ABR: variants seen among roughly 807,000 people sequenced by gnomAD.
The protein encoded by ABR is ABR activator of RhoGEF and GTPase.
Under a neutral mutation model 107.2 loss-of-function variants are expected in ABR, and 35 were observed. The observed-to-expected ratio is 0.33, with a 90% confidence interval of 0.25 to 0.43. ABR has a LOEUF of 0.43. Ranked by LOEUF, ABR falls within the 20% of genes least tolerant of loss-of-function variation. The probability of loss-of-function intolerance (pLI) is 1.00; values close to 1 mark genes in which losing one functional copy is unlikely to be tolerated. For missense variants in ABR, 815 were observed against 1,115.2 expected (o/e 0.73, Z 3.83); for synonymous variants, 498 against 462.0 (o/e 1.08, Z -1.00).
At chr17:1,023,906 A>T (rs373496720) in intron 16 of ABR, among the ~76,000 whole-genome samples, 2 of 151,586 alleles carry the variant, frequency 1.3e-5, no homozygotes, top group African/African-American at 4.8e-5. Flanking sequence ...ATGCCTGTAA[A>T]CCCAGCTACT....
chr17:1,081,835 C>T (rs2036256854), intron 5 of ABR, among the ~76,000 whole-genome samples: 2 of 152,170 alleles, frequency 1.3e-5, no homozygotes, highest in African/African-American at 2.4e-5. Flanking sequence ...CCTCGGCCTC[C>T]CAAAGTGCTG....
chr17:1,076,963 GTC>G (rs1453926549), intron 6 of ABR, among the ~76,000 whole-genome samples: 1 of 152,208 alleles, frequency 6.6e-6, no homozygotes, highest in Non-Finnish European at 1.5e-5. Context: ...CAGCAAGCTG[GTC>G]TCTCTCTAGT....
At chr17:1,199,597 C>T (rs540654777) in intron 1 of ABR, among the ~76,000 whole-genome samples, 20 of 148,856 alleles carry the variant, frequency 1.3e-4, no homozygotes, top group Middle Eastern at 3.4e-3. Context: ...TACAGACGCC[C>T]GCCACCACGC....
chr17:1,200,717 G>A lies in ABR; in HGVS notation c.838+28076C>T, dbSNP rs2042655729. Among the ~76,000 whole-genome samples the A allele has an allele frequency of 6.6e-6, 1 of 152,190 alleles. No individual in the cohort carries two copies. The highest frequency in any genetic ancestry group is 2.1e-4 in the South Asian group (1 of 4,830). ...GATGGATCCCCAGGTGGAAACCCGG[G>A]CACGTCATCCCGGTTTGTTCATGGT... On this transcript the variant is annotated intron_variant, in intron 1 of 22. Coordinates refer to the ABR transcript ENST00000574139. The surrounding 1 kb of genome is among the most constrained non-coding windows in gnomAD (Gnocchi z 4.1).
In ABR at chr17:1,051,158, G is replaced by A. The variant is rs1475472174; in HGVS notation, c.1562-524C>T. On this transcript the variant is annotated intron_variant, in intron 14 of 22. Transcript: ENST00000302538. The surrounding 1 kb of genome is among the most constrained non-coding windows in gnomAD (Gnocchi z 4.3). ...TGCTCGGAGCATCCCCTGCCGCGGT[G>A]ACGACCAACAACGCCCACATCCCCA... 6.6e-6 allele frequency among the ~76,000 whole-genome samples: 1 copy of A among 152,154 alleles called. No homozygotes were observed. The highest frequency in any genetic ancestry group is 6.5e-5 in the Admixed American group (1 of 15,274).
intron 3 of ABR, among the ~76,000 whole-genome samples, chr17:1,099,142 C>G (rs1440240234): frequency 6.6e-6 from 1 of 151,526 alleles, no homozygotes; most frequent in Non-Finnish European, 1.5e-5. Flanking sequence ...GTGGCGCACT[C>G]TCAGCTCACT....
chr17:1,072,801 G>C, intron 7 of ABR, 47 bp from the exon 8 acceptor site: 1 of 1,590,262 alleles, frequency 6.3e-7, no homozygotes, highest in Non-Finnish European at 8.5e-7. Flanking sequence ...TCTGGGGCCT[G>C]ATGTGTGGCC....
In ABR at chr17:1,154,957, C is replaced by T. The variant is rs190778402; in HGVS notation, c.61+24710G>A. 6.6e-6 allele frequency: 1 copy of T among 152,122 alleles called. No individual in the cohort carries two copies. Among genetic ancestry groups the T allele is most frequent in the African/African-American group, 2.4e-5 (1 of 41,418 alleles). 9.4% of individuals were successfully genotyped at this position (152,122 alleles called of 1,614,324 possible). On this transcript the variant is annotated intron_variant, in intron 1 of 22. Coordinates refer to ENST00000302538, the MANE Select transcript of ABR (RefSeq NM_021962.5). This position sits in a 1 kb window ranked among gnomAD's most constrained non-coding sequence, Gnocchi z 4.0. ...AACAGGGCCTGCTCTGGGACCGTGCCTCCTGCCAGGACGCTGTGCCAGGAG... is the reference window on the plus strand; with the variant it reads ...AACAGGGCCTGCTCTGGGACCGTGCTTCCTGCCAGGACGCTGTGCCAGGAG...
In ABR at chr17:1,179,403, C is replaced by T. The variant is rs1257948873; in HGVS notation, c.61+264G>A. ...GGCTCGGTCCGCCCACGGTCCCCGC[C>T]CCCGGACCGCAGGAATCCTCTCTGG... On this transcript the variant is annotated intron_variant, in intron 1 of 22. Transcript: ENST00000302538. This position sits in a 1 kb window ranked among gnomAD's most constrained non-coding sequence, Gnocchi z 4.9. Among the ~76,000 whole-genome samples, 1 of 152,098 alleles carries T rather than the reference C, an allele frequency of 6.6e-6. No homozygotes were observed. The highest frequency in any genetic ancestry group is 1.9e-4 in the East Asian group (1 of 5,162).
intron 1 of ABR, among the ~76,000 whole-genome samples, chr17:1,141,851 C>T (rs2040300374): frequency 6.6e-6 from 1 of 151,980 alleles, no homozygotes; most frequent in African/African-American, 2.4e-5. Context: ...CTCCACCTCC[C>T]CGGTTCAAGC....
intron 1 of ABR, among the ~76,000 whole-genome samples, chr17:1,140,803 G>T (rs921230372): frequency 1.3e-5 from 2 of 151,986 alleles, no homozygotes; most frequent in Non-Finnish European, 2.9e-5. Context: ...GGCTGGTCTC[G>T]AACTCCTGAC....
intron 1 of ABR, among the ~76,000 whole-genome samples, chr17:1,221,793 G>A (rs931296863): frequency 5.3e-5 from 8 of 152,202 alleles, no homozygotes; most frequent in Admixed American, 3.9e-4. Flanking sequence ...CTTTGCAGAC[G>A]CCAAGAGAGA....
At chr17:1,224,702 A>T (rs1203533654) in intron 1 of ABR, among the ~76,000 whole-genome samples, 1 of 151,964 alleles carries the variant, frequency 6.6e-6, no homozygotes, top group Non-Finnish European at 1.5e-5. Flanking sequence ...AGAGACAGGG[A>T]CTCGCTCTGT....
chr17:1,181,066 A>C (rs896694500), upstream of ABR, among the ~76,000 whole-genome samples: 1 of 152,188 alleles, frequency 6.6e-6, no homozygotes, highest in Non-Finnish European at 1.5e-5. Context: ...AGGCAGCTTA[A>C]GGGGAAAACT....
rs2589476 is a variant in ABR at position 1,078,800 on chromosome 17, A to G, written c.700+530T>C. 119,223 of 1,534,680 alleles carry G rather than the reference A, an allele frequency of 0.078. 8,617 individuals are homozygous for G. Among genetic ancestry groups the G allele is most frequent in the East Asian group, 0.32 (13,264 of 40,816 alleles). On this transcript the variant is annotated intron_variant, in intron 6 of 22. Coordinates refer to ENST00000302538, the MANE Select transcript of ABR (RefSeq NM_021962.5). The surrounding 1 kb of genome is among the most constrained non-coding windows in gnomAD (Gnocchi z 7.5). ...GGAGGGTCCGCCACCTCCCACAGCG[A>G]GCACCTGGGTTACCATAGGTGCAGT...
At chr17:1,104,556 G>A (rs146579257) in intron 2 of ABR, among the ~76,000 whole-genome samples, 39 of 152,302 alleles carry the variant, frequency 2.6e-4, no homozygotes, top group African/African-American at 9.1e-4. Context: ...TACCCAGCAG[G>A]ATCTGCTCAG....
intron 16 of ABR, among the ~76,000 whole-genome samples, chr17:1,029,890 G>A (rs1420988265): frequency 4.0e-5 from 6 of 151,176 alleles, no homozygotes; most frequent in African/African-American, 1.2e-4. Context: ...TCCACGACAC[G>A]GACACACTGT....
chr17:1,079,234 C>T lies in ABR; in HGVS notation c.700+96G>A, dbSNP rs892337915. On this transcript the variant is annotated intron_variant, in intron 6 of 22. Transcript: ENST00000302538. Reference sequence around the variant, plus strand: ...ACGCTCACACGCGCTCACACACACGCACACACAAGGGGAAGGGCGCCGCGT... The same window carrying T: ...ACGCTCACACGCGCTCACACACACGTACACACAAGGGGAAGGGCGCCGCGT... The T allele has an allele frequency of 1.1e-5, 17 of 1,532,224 alleles. No homozygotes were observed. The African/African-American group carries it at 1.8e-4, about 16-fold the overall frequency. 94.9% of individuals were successfully genotyped at this position (1,532,224 alleles called of 1,614,324 possible).
chr17:1,095,805 G>A (rs1424131150), intron 3 of ABR, among the ~76,000 whole-genome samples: 1 of 152,218 alleles, frequency 6.6e-6, no homozygotes, highest in African/African-American at 2.4e-5. Flanking sequence ...GGAAAGAAAT[G>A]TACCCACTTC....
Sources: gnomAD v4.1 joint callset for allele counts (sites outside exome capture counted in the v4.1 genomes callset) on GRCh38, gnomAD v4.1.1 for gene constraint, Gnocchi (gnomAD v3.1) non-coding constraint, MANE v1.5 for transcripts, NCBI Gene and HGNC (gene_info 2026-07-23, HGNC 2026-07-21) for gene names.